The following OR10K2 variants were observed in gnomAD, a reference collection of about 807,000 sequenced individuals.
OR10K2 encodes the protein olfactory receptor family 10 subfamily K member 2, also known as olfactory receptor 10K2.
For missense variants in OR10K2, 401 were observed against 367.1 expected (o/e 1.09, Z -0.76); for synonymous variants, 169 against 146.4 (o/e 1.15, Z -1.11).
rs186042166 is a variant in OR10K2, at chr1:158,421,142, C to T, written c.-61-215G>A. Among the ~76,000 whole-genome samples, 257 of 152,164 alleles carry T rather than the reference C, an allele frequency of 1.7e-3. 2 individuals are homozygous for T. The highest frequency in any genetic ancestry group is 0.01 in the Middle Eastern group (3 of 294). On this transcript the variant is annotated intron_variant, in intron 1 of 1. Coordinates refer to ENST00000641042, the MANE Select transcript of OR10K2 (RefSeq NM_001004476.2). ...TCAGATTCAAACAACCCTTCACCTC[C>T]ATTCCCATCATGAGGCTGTTGCTCA... is the stretch of plus-strand genomic sequence containing the variant.
In OR10K2 at chr1:158,420,816, G is replaced by A. The variant is rs891546956; in HGVS notation, c.51C>T (p.Phe17=). 1 of 1,613,652 alleles carries A rather than the reference G, an allele frequency of 6.2e-7. No individual in the cohort carries two copies. The highest frequency in any genetic ancestry group is 8.5e-7 in the Non-Finnish European group (1 of 1,179,826). The change falls in exon 2 of 2, where the codon TTC becomes TTT. Residue 17 remains phenylalanine (F), a synonymous_variant. Transcript: ENST00000641042. ...TVVREVIFLG[F]SSLARLQQLL... is the part of the protein sequence containing the mutation. ...GCTGCTGCAGCCTGGCCAGGGATGA[G>A]AAGCCGAGGAAGATGACCTCTCTCA... is the stretch of plus-strand genomic sequence containing the variant.
chr1:158,418,298 T>C lies in OR10K2; in HGVS notation c.*1630A>G, dbSNP rs987552440. On this transcript the variant is annotated 3_prime_UTR_variant, in exon 2 of 2. Transcript: ENST00000641042. ...TTATAATATATACTTCCCAGTGTGCTCTAAAGTTTAGATGAAGTAACATTG... is the reference window on the plus strand; with the variant it reads ...TTATAATATATACTTCCCAGTGTGCCCTAAAGTTTAGATGAAGTAACATTG... The C allele has an allele frequency of 6.6e-6, 1 of 152,162 alleles. No individual in the cohort carries two copies. Among genetic ancestry groups the C allele is most frequent in the African/African-American group, 2.4e-5 (1 of 41,452 alleles). The allele number at this position is 152,162 out of a possible 1,614,324, so 9.4% of individuals were successfully genotyped here.
intron 1 of OR10K2, among the ~76,000 whole-genome samples, chr1:158,423,226 T>C (rs1258705400): frequency 8.9e-6 from 1 of 112,032 alleles, no homozygotes; most frequent in African/African-American, 3.7e-5. Flanking sequence ...CTTCGCCCAA[T>C]ATTTTTTTTT....
rs1220759184 is a variant in OR10K2, at chr1:158,420,391, A to T, written c.476T>A (p.Ile159Asn). 1.2e-6 allele frequency: 2 copies of T among 1,613,888 alleles called. No individual in the cohort carries two copies. Among genetic ancestry groups the T allele is most frequent in the Non-Finnish European group, 1.7e-6 (2 of 1,179,912 alleles). Residue 159 changes from isoleucine (I) to asparagine (N), a missense_variant, in exon 2 of 2, where the codon ATC becomes AAC. By Grantham distance (149) the Ile-to-Asn change is moderately radical (BLOSUM62 -3). Transcript: ENST00000641042. Reference protein sequence around the residue: ...CACGFTVAQIITSLVFHLPFY... With the variant: ...CACGFTVAQINTSLVFHLPFY... Reference sequence around the variant, plus strand: ...AGGCAGGTGAAATACCAAGGATGTGATGATCTGTGCAACAGTGAAGCCACA... The same window carrying T: ...AGGCAGGTGAAATACCAAGGATGTGTTGATCTGTGCAACAGTGAAGCCACA...
rs114082787 is a variant in OR10K2 at position 158,419,739 on chromosome 1, T to C, written c.*189A>G. 3.1e-3 allele frequency: 1,618 copies of C among 521,798 alleles called. 28 individuals carry two copies. Among genetic ancestry groups the C allele is most frequent in the African/African-American group, 0.027 (1,386 of 51,980 alleles). The allele number at this position is 521,798 out of a possible 1,614,324, so 32.3% of individuals were successfully genotyped here. ...GATTCTCCTGTCTCAGGCTCCTGAGTAGCTGAGATTACAGGAGCCCACCAC... is the reference window on the plus strand; with the variant it reads ...GATTCTCCTGTCTCAGGCTCCTGAGCAGCTGAGATTACAGGAGCCCACCAC... On this transcript the variant is annotated 3_prime_UTR_variant, in exon 2 of 2. Transcript: ENST00000641042.
rs1474532656 is a variant in OR10K2 at position 158,419,226 on chromosome 1, CAGAAAACATCT to C, written c.*691_*701del. The C allele has an allele frequency of 6.5e-6, 1 of 154,626 alleles. No individual in the cohort carries two copies. Among genetic ancestry groups the C allele is most frequent in the Non-Finnish European group, 1.5e-5 (1 of 68,182 alleles). The allele number at this position is 154,626 out of a possible 1,614,324, so 9.6% of individuals were successfully genotyped here. On this transcript the variant is annotated 3_prime_UTR_variant, in exon 2 of 2. Coordinates refer to ENST00000641042, the MANE Select transcript of OR10K2 (RefSeq NM_001004476.2). ...CTGATGATTTTGGAAGACTGAGGTC[CAGAAAACATCT>C]AGAAAAATCCTAGAGATAGAAGCTT...
chr1:158,425,607 C>A (rs998214384), intron 1 of OR10K2, among the ~76,000 whole-genome samples: 2 of 151,956 alleles, frequency 1.3e-5, no homozygotes, highest in Non-Finnish European at 2.9e-5. Flanking sequence ...AAGTTCTCAG[C>A]ACATATTAGG....
At chr1:158,425,011 A>G (rs1655226056) in intron 1 of OR10K2, among the ~76,000 whole-genome samples, 1 of 152,098 alleles carries the variant, frequency 6.6e-6, no homozygotes, top group Admixed American at 6.6e-5. Flanking sequence ...GTGGTTTCAC[A>G]GACATTATTT....
At chr1:158,422,406 A>G (rs1018961780) in intron 1 of OR10K2, among the ~76,000 whole-genome samples, 2 of 152,104 alleles carry the variant, frequency 1.3e-5, no homozygotes, top group African/African-American at 4.8e-5. Context: ...TCTGCACCAC[A>G]TAAAACTAAG....
In OR10K2 at chr1:158,420,595, GTCT is replaced by G; in HGVS notation, c.269_271del (p.Lys90del). The G allele has an allele frequency of 6.8e-6, 11 of 1,613,900 alleles. No homozygotes were observed. Among genetic ancestry groups the G allele is most frequent in the Non-Finnish European group, 9.3e-6 (11 of 1,179,920 alleles). On this transcript the variant is annotated inframe_deletion, in exon 2 of 2. Coordinates refer to ENST00000641042, the MANE Select transcript of OR10K2 (RefSeq NM_001004476.2). ...GATGGCACAGCCCAGGAAAGAAATG[GTCT>G]TCTTCTGGGACAGCAGGTCAACCAG... is the stretch of plus-strand genomic sequence containing the variant.
At position 158,420,092 on chromosome 1, in the gene OR10K2, A is replaced by G. The variant is rs371193774; in HGVS notation, c.775T>C (p.Tyr259His). The G allele has an allele frequency of 1.1e-5, 17 of 1,613,620 alleles. No individual in the cohort carries two copies. The African/African-American group carries it at 1.7e-4, about 16-fold the overall frequency. The stretch of plus-strand genomic sequence containing the variant: ...GAGTAGTTGGACTGAGGCCTTAAGT[A>G]GATAAAGGAGGCACAGCCATAGTGG... ...TVHYGCASFI[Y>H]LRPQSNYSSS... is the part of the protein sequence containing the mutation. Residue 259 changes from tyrosine to histidine, a missense_variant, in exon 2 of 2, where the codon TAC (tyrosine) becomes CAC (histidine). Coordinates refer to ENST00000641042, the MANE Select transcript of OR10K2 (RefSeq NM_001004476.2).
In OR10K2 at chr1:158,420,879, A is replaced by G. The variant is rs1464805759; in HGVS notation, c.-13T>C. 1.9e-6 allele frequency: 3 copies of G among 1,607,646 alleles called. No homozygotes were observed. Among genetic ancestry groups the G allele is most frequent in the Non-Finnish European group, 2.6e-6 (3 of 1,176,386 alleles). On this transcript the variant is annotated 5_prime_UTR_variant, in exon 2 of 2. The change abolishes an upstream ATG in the 5' untranslated region. Coordinates refer to ENST00000641042, the MANE Select transcript of OR10K2 (RefSeq NM_001004476.2). ...TGACCCGCTCCATGGAGCATACATCATCAGGAGACAATTAGGGAGAGAAGA... is the reference window on the plus strand; with the variant it reads ...TGACCCGCTCCATGGAGCATACATCGTCAGGAGACAATTAGGGAGAGAAGA...
chr1:158,421,635 C>T (rs2106083), intron 1 of OR10K2, among the ~76,000 whole-genome samples: 56,036 of 151,672 alleles, frequency 0.37, 11,388 homozygotes, highest in Non-Finnish European at 0.46. Flanking sequence ...TCCCTTAAAT[C>T]CTTCTGAAGT....
Position 158,420,531 on chromosome 1 carries a change from G to A in OR10K2, c.336C>T (p.Ser112=). The A allele has an allele frequency of 6.2e-7, 1 of 1,613,896 alleles. No homozygotes were observed. Among genetic ancestry groups the A allele is most frequent in the South Asian group, 1.1e-5 (1 of 91,084 alleles). ...CATAACCCATGACTGCCAGCAGAAA[G>A]GAGTGAGAGCAGCCAAGGAAGAGGA... is the stretch of plus-strand genomic sequence containing the variant. ...FSFLFLGCSH[S]FLLAVMGYDR... is the part of the protein sequence containing the mutation. The change falls in exon 2 of 2, where the codon TCC becomes TCT. Residue 112 remains serine (S), a synonymous_variant. Coordinates refer to ENST00000641042, the MANE Select transcript of OR10K2 (RefSeq NM_001004476.2).
rs1327948368 is a variant in OR10K2 at position 158,419,785 on chromosome 1, A to AT, written c.*142dup. On this transcript the variant is annotated 3_prime_UTR_variant, in exon 2 of 2. Coordinates refer to ENST00000641042, the MANE Select transcript of OR10K2 (RefSeq NM_001004476.2). ...ACCACAGCATCCGGTTAATTTGTAT[A>AT]TTTTTTGGTAGAGATAGGATTTCAC... 5 of 637,882 alleles carry AT rather than the reference A, an allele frequency of 7.8e-6. No individual in the cohort carries two copies. The highest frequency in any genetic ancestry group is 3.0e-5 in the Admixed American group (1 of 33,440). The allele number at this position is 637,882 out of a possible 1,614,324, so 39.5% of individuals were successfully genotyped here. A position where few individuals can be genotyped will look rare whatever the true frequency, so the allele number is the denominator to read the frequency against.
rs1238721511 is a variant in OR10K2 at position 158,420,239 on chromosome 1, G to T, written c.628C>A (p.Pro210Thr). 1.2e-6 allele frequency: 2 copies of T among 1,613,774 alleles called. No homozygotes were observed. The highest frequency in any genetic ancestry group is 2.2e-5 in the South Asian group (2 of 91,076). Residue 210 changes from proline (P) to threonine (T), a missense_variant, in exon 2 of 2, where the codon CCC (proline) becomes ACC (threonine). Physicochemically the swap from Pro to Thr is conservative, Grantham distance 38 (BLOSUM62 -1). Transcript: ENST00000641042. ...TAGGACACCAAGATCAACAATAAGGGGATAGCCAGGACCAATGTACAGAGC... is the reference window on the plus strand; with the variant it reads ...TAGGACACCAAGATCAACAATAAGGTGATAGCCAGGACCAATGTACAGAGC... ...FMLCTLVLAI[P>T]LLLILVSYVH...
chr1:158,419,907 T>G lies in OR10K2; in HGVS notation c.*21A>C. On this transcript the variant is annotated 3_prime_UTR_variant, in exon 2 of 2. Transcript: ENST00000641042. ...GATTACAGTCGTGAGAAACTGCACC[T>G]GGCCAGAATCAAGATTAATTTTACA... The G allele has an allele frequency of 1.3e-6, 2 of 1,591,198 alleles. No individual in the cohort carries two copies. The highest frequency in any genetic ancestry group is 1.7e-6 in the Non-Finnish European group (2 of 1,167,406).
intron 1 of OR10K2, among the ~76,000 whole-genome samples, chr1:158,425,453 T>C (rs867649127): frequency 1.3e-5 from 2 of 152,146 alleles, no homozygotes; most frequent in Non-Finnish European, 2.9e-5. Context: ...TTCTCTTTTT[T>C]GGCAGCAGTT....
At chr1:158,425,604 C>T (rs1200846082) in intron 1 of OR10K2, among the ~76,000 whole-genome samples, 1 of 151,984 alleles carries the variant, frequency 6.6e-6, no homozygotes, top group Non-Finnish European at 1.5e-5. Flanking sequence ...ATTAAGTTCT[C>T]AGCACATATT....
Sources: gnomAD v4.1 joint callset for allele counts (sites outside exome capture counted in the v4.1 genomes callset) on GRCh38, gnomAD v4.1.1 for gene constraint, MANE v1.5 for transcripts, NCBI Gene and HGNC (gene_info 2026-07-23, HGNC 2026-07-21) for gene names.